LRP2: variants seen among roughly 807,000 people sequenced by gnomAD.
LRP2 encodes the protein low-density lipoprotein receptor-related protein 2.
A neutral mutation model predicts 531.0 loss-of-function variants in LRP2; 172 were observed. That is an observed-to-expected ratio of 0.32 (90% CI 0.29 to 0.37). The LOEUF (loss-of-function observed/expected upper bound fraction) is 0.37. Among genes scored for constraint, LRP2 ranks in the 10% least tolerant of loss-of-function variants. LRP2 has a pLI of 1.00. For synonymous variants in LRP2, 1,992 were observed against 2,027.6 expected (o/e 0.98, Z 0.47); for missense variants, 5,167 against 5,868.3 (o/e 0.88, Z 3.90).
At chr2:169,268,569 A>C (rs1303393671) in intron 16 of LRP2, among the ~76,000 whole-genome samples, 4 of 151,704 alleles carry the variant, frequency 2.6e-5, no homozygotes, top group African/African-American at 9.7e-5. Context: ...CCTTCATGCT[A>C]AATCAATAAA....
chr2:169,165,517 G>C (rs770858445), intron 62 of LRP2, among the ~76,000 whole-genome samples: 3 of 152,184 alleles, frequency 2.0e-5, no homozygotes, highest in Non-Finnish European at 4.4e-5. Context: ...GATCTCTGCA[G>C]CTGGGCACCT....
Position 169,254,263 on chromosome 2 carries a change from A to G in LRP2, c.2770+1843T>C, listed in dbSNP as rs1690206574. The stretch of plus-strand genomic sequence containing the variant: ...CAACCCAAATGTCCAACAATGATAG[A>G]CTGGATTAAGAAAACGTGGCACATA... On this transcript the variant is annotated intron_variant, in intron 19 of 78. Transcript: ENST00000649046. Among the ~76,000 whole-genome samples, 3 of 76,258 alleles carry G rather than the reference A, an allele frequency of 3.9e-5. 1 individual carries two copies. Among genetic ancestry groups the G allele is most frequent in the African/African-American group, 2.2e-4 (3 of 13,826 alleles). The allele number at this position is 76,258 out of a possible 152,430, so 50.0% of individuals were successfully genotyped here.
At chr2:169,344,900 G>T (rs746682011) in intron 1 of LRP2, among the ~76,000 whole-genome samples, 67 of 152,068 alleles carry the variant, frequency 4.4e-4, no homozygotes, top group Non-Finnish European at 1.8e-4. Flanking sequence ...AACTAAAACT[G>T]GCTTATGATT....
rs1480043771 is a variant in LRP2, at chr2:169,211,951, T to C, written c.6280+17A>G. 1.2e-6 allele frequency: 2 copies of C among 1,613,766 alleles called. No individual in the cohort carries two copies. Among genetic ancestry groups the C allele is most frequent in the South Asian group, 2.2e-5 (2 of 91,032 alleles). Reference sequence around the variant, plus strand: ...GCCAGATGAAGTCAAATCTTACTTATATTGGAGTTGGCATACCTTGGCCTG... The same window carrying C: ...GCCAGATGAAGTCAAATCTTACTTACATTGGAGTTGGCATACCTTGGCCTG... On this transcript the variant is annotated intron_variant, in intron 37 of 78. Coordinates refer to ENST00000649046, the MANE Select transcript of LRP2 (RefSeq NM_004525.3).
At chr2:169,215,027 G>A (rs1688727770) in intron 35 of LRP2, among the ~76,000 whole-genome samples, 1 of 151,614 alleles carries the variant, frequency 6.6e-6, no homozygotes, top group African/African-American at 2.4e-5. Flanking sequence ...CGTAGATTTA[G>A]AAGCTGTGCC....
intron 1 of LRP2, among the ~76,000 whole-genome samples, chr2:169,330,873 A>C (rs1685246456): frequency 6.6e-6 from 1 of 152,028 alleles, no homozygotes; most frequent in South Asian, 2.1e-4. Flanking sequence ...AACATAATAC[A>C]TTCTTCCCTT....
Position 169,277,875 on chromosome 2 carries a change from G to A in LRP2, c.1642C>T (p.Arg548Cys), listed in dbSNP as rs201490492. ...LERAFMDGSN[R>C]KDLVKTKLGW... ...AGCTTTGTTTTCACCAAGTCTTTAC[G>A]GTTGCTGCCATCCATGAATGCCCTT... Residue 548 changes from arginine (R) to cysteine (C), a missense_variant, in exon 13 of 79, where the codon CGT becomes TGT. Coordinates refer to ENST00000649046, the MANE Select transcript of LRP2 (RefSeq NM_004525.3). 3.7e-6 allele frequency: 6 copies of A among 1,613,982 alleles called. No individual in the cohort carries two copies. The highest frequency in any genetic ancestry group is 2.7e-5 in the African/African-American group (2 of 74,992).
Position 169,150,993 on chromosome 2 carries a change from G to A in LRP2, c.12495C>T (p.Arg4165=). ...TTCCATCAAGTTTAGCCACCTCAAT[G>A]CGTTTATTCTTGACATCTGACCAGT... is the stretch of plus-strand genomic sequence containing the variant. ...HIYWSDVKNK[R]IEVAKLDGRY... is the part of the protein sequence containing the mutation. The change falls in exon 68 of 79, where the codon CGC becomes CGT. Residue 4165 remains arginine (R), a synonymous_variant. Coordinates refer to ENST00000649046, the MANE Select transcript of LRP2 (RefSeq NM_004525.3). 1 of 1,613,998 alleles carries A rather than the reference G, an allele frequency of 6.2e-7. No individual in the cohort carries two copies. Among genetic ancestry groups the A allele is most frequent in the Non-Finnish European group, 8.5e-7 (1 of 1,179,916 alleles).
chr2:169,177,536 T>C (rs1343962377), intron 53 of LRP2, among the ~76,000 whole-genome samples: 1 of 151,958 alleles, frequency 6.6e-6, no homozygotes, highest in African/African-American at 2.4e-5. Flanking sequence ...CTGTTAAATC[T>C]TATCAAAAAC....
intron 44 of LRP2, among the ~76,000 whole-genome samples, chr2:169,199,469 G>T (rs544827421): frequency 6.6e-6 from 1 of 152,228 alleles, no homozygotes; most frequent in East Asian, 1.9e-4. Context: ...TCATCTCTCT[G>T]GATAGACTGA....
At position 169,257,136 on chromosome 2, in the gene LRP2, G is replaced by T; in HGVS notation, c.2627C>A (p.Ala876Asp). 1 of 1,612,744 alleles carries T rather than the reference G, an allele frequency of 6.2e-7. No individual in the cohort carries two copies. The highest frequency in any genetic ancestry group is 8.5e-7 in the Non-Finnish European group (1 of 1,179,086). Residue 876 changes from alanine (A) to aspartate (D), a missense_variant, in exon 18 of 79, where the codon GCC becomes GAC. This residue lies in a region of LRP2 where 2,811 missense variants were observed against 3,058.0 expected (regional missense o/e 0.92). Transcript: ENST00000649046. ...GATTCCTACTTACGCCCAATCGATG[G>T]CCAAGCCATTGGGCCATCCAAGAGT... The part of the protein sequence containing the change: ...NTTLGWPNGL[A>D]IDWAASRLYW...
chr2:169,191,018 T>A (rs900047821), intron 48 of LRP2, among the ~76,000 whole-genome samples: 11 of 152,034 alleles, frequency 7.2e-5, no homozygotes, highest in African/African-American at 2.7e-4. Context: ...GCAGGAGAGG[T>A]CCCCCAAACC....
chr2:169,202,363 G>A (rs545584302), intron 43 of LRP2, among the ~76,000 whole-genome samples: 6 of 152,208 alleles, frequency 3.9e-5, no homozygotes, highest in African/African-American at 1.4e-4. Flanking sequence ...AAAATGATAC[G>A]TTTCCTTAGT....
intron 41 of LRP2, among the ~76,000 whole-genome samples, chr2:169,204,850 C>T (rs1374796830): frequency 6.6e-6 from 1 of 152,132 alleles, no homozygotes; most frequent in East Asian, 1.9e-4. Context: ...ATCATTTCAT[C>T]CCTTCAACTA....
At chr2:169,147,030 C>A in intron 68 of LRP2, 71 bp from the exon 69 acceptor site, 1 of 1,162,554 alleles carries the variant, frequency 8.6e-7, no homozygotes, top group Non-Finnish European at 1.3e-6. Context: ...GAGCACAGGG[C>A]ATTACCTACA....
At chr2:169,172,981 A>T in intron 57 of LRP2, 115 bp downstream of exon 57, 1 of 1,385,016 alleles carries the variant, frequency 7.2e-7, no homozygotes, top group Non-Finnish European at 1.0e-6. Flanking sequence ...TTTTTTACAG[A>T]GGTAAACAAA....
intron 63 of LRP2, among the ~76,000 whole-genome samples, chr2:169,159,654 A>G (rs1464388586): frequency 2.0e-5 from 3 of 152,162 alleles, no homozygotes; most frequent in African/African-American, 4.8e-5. Flanking sequence ...ATTGCCATAA[A>G]ATTTGTCATA....
At chr2:169,314,880 T>C (rs1009495403) in intron 3 of LRP2, among the ~76,000 whole-genome samples, 1 of 152,240 alleles carries the variant, frequency 6.6e-6, no homozygotes, top group Admixed American at 6.5e-5. Context: ...TTTAAGTATA[T>C]ATTGCCAATT....
intron 21 of LRP2, among the ~76,000 whole-genome samples, chr2:169,245,780 G>A (rs1047900985): frequency 3.9e-5 from 6 of 152,086 alleles, no homozygotes; most frequent in African/African-American, 1.2e-4. Flanking sequence ...TTTTCCAAAG[G>A]CTATGATTGC....
Sources: allele counts gnomAD v4.1 joint callset (sites outside exome capture counted in the v4.1 genomes callset), GRCh38; gene constraint gnomAD v4.1.1; regional missense constraint gnomAD v4.1.1; transcripts MANE v1.5; gene names NCBI Gene and HGNC (gene_info 2026-07-23, HGNC 2026-07-21).